CTSC: variants seen among roughly 807,000 people sequenced by gnomAD.
CTSC encodes the protein dipeptidyl peptidase 1.
Under a neutral mutation model 40.9 loss-of-function variants are expected in CTSC, and 37 were observed. That is an observed-to-expected ratio of 0.91 (90% CI 0.70 to 1.19). The LOEUF (loss-of-function observed/expected upper bound fraction) is 1.19. Ranked by LOEUF, CTSC falls within the 50% of genes most tolerant of loss-of-function variation. The pLI, the probability that CTSC is intolerant of heterozygous loss-of-function variation, is 0.00. For synonymous variants in CTSC, 232 were observed against 207.4 expected (o/e 1.12, Z -1.02); for missense variants, 594 against 567.3 (o/e 1.05, Z -0.48).
At chr11:88,326,117 G>A (rs1938176346) in intron 2 of CTSC, 2 of 1,294,712 alleles carry the variant, frequency 1.5e-6, no homozygotes, top group Non-Finnish European at 9.8e-7. Context: ...TTAAAAAACT[G>A]AACGGTGAAG....
Position 88,312,683 on chromosome 11 carries a change from T to C in CTSC, c.319-129A>G, listed in dbSNP as rs1937791702. The stretch of plus-strand genomic sequence containing the variant: ...AAAACTTCACCCTGAGAGGTTACAC[T>C]GTAAGAATTATTCTAGAAAAAGAAG... On this transcript the variant is annotated intron_variant, in intron 2 of 6. Coordinates refer to ENST00000227266, the MANE Select transcript of CTSC (RefSeq NM_001814.6). 4 of 993,304 alleles carry C rather than the reference T, an allele frequency of 4.0e-6. 1 individual carries two copies. In the South Asian group the frequency reaches 4.3e-5, roughly 11 times the overall value. 61.5% of individuals were successfully genotyped at this position (993,304 alleles called of 1,614,324 possible). A position where few individuals can be genotyped will look rare whatever the true frequency, so the allele number is the denominator to read the frequency against.
intron 4 of CTSC, among the ~76,000 whole-genome samples, chr11:88,307,462 T>C (rs1937659530): frequency 6.6e-6 from 1 of 151,916 alleles, no homozygotes; most frequent in Non-Finnish European, 1.5e-5. Context: ...AGTATTATGA[T>C]ATAATTTCCC....
intron 2 of CTSC, chr11:88,323,319 A>C (rs1206887807): frequency 1.3e-5 from 2 of 152,226 alleles, no homozygotes; most frequent in African/African-American, 4.8e-5. Context: ...TATCATACTG[A>C]ATGGGCAAAA....
At chr11:88,310,422 A>G (rs1937727622) in intron 3 of CTSC, among the ~76,000 whole-genome samples, 1 of 152,016 alleles carries the variant, frequency 6.6e-6, no homozygotes, top group Non-Finnish European at 1.5e-5. Context: ...TACTATTAAA[A>G]AAGAGTCTGT....
In CTSC at chr11:88,300,545, G is replaced by A. The variant is rs1189528354; in HGVS notation, c.742C>T (p.Pro248Ser). ...RNVHGINFVS[P>S]VRNQASCGSC... ...ATTTTTTTACCTTGGTTTCGAACAG[G>A]ACTGACAAAATTGATACCATGAACA... is the stretch of plus-strand genomic sequence containing the variant. The change falls in exon 5 of 7, where the codon CCT becomes TCT. Residue 248 changes from proline to serine, a missense_variant. Physicochemically the swap from Pro to Ser is moderately conservative, Grantham distance 74. Transcript: ENST00000227266. 1.9e-6 allele frequency: 3 copies of A among 1,607,128 alleles called. No individual in the cohort carries two copies. Among genetic ancestry groups the A allele is most frequent in the African/African-American group, 1.3e-5 (1 of 74,736 alleles).
intron 4 of CTSC, among the ~76,000 whole-genome samples, chr11:88,307,556 CTTTTTTT>C (rs5793311): frequency 8.2e-5 from 6 of 73,490 alleles, no homozygotes; most frequent in Non-Finnish European, 1.5e-4. Context: ...ATACTGATAA[CTTTTTTT>C]TTTTTTTTTT....
intron 4 of CTSC, among the ~76,000 whole-genome samples, chr11:88,304,221 G>A (rs1270028217): frequency 6.6e-6 from 1 of 151,942 alleles, no homozygotes; most frequent in Non-Finnish European, 1.5e-5. Flanking sequence ...TATTAAAGTG[G>A]GTATAATCAT....
Position 88,316,814 on chromosome 11 carries a change from A to C in CTSC, c.319-4260T>G, listed in dbSNP as rs143107995. The stretch of plus-strand genomic sequence containing the variant: ...AGGTGTGGTGATGCCAATATATCAC[A>C]ATGTCTGACAGTCCAAATCACAGTA... On this transcript the variant is annotated intron_variant, in intron 2 of 6. Coordinates refer to ENST00000227266, the MANE Select transcript of CTSC (RefSeq NM_001814.6). Among the ~76,000 whole-genome samples the C allele has an allele frequency of 5.7e-3, 868 of 152,300 alleles. 10 individuals carry two copies. Among genetic ancestry groups the C allele is most frequent in the African/African-American group, 0.02 (835 of 41,540 alleles).
At chr11:88,308,486 T>C (rs1937684127) in intron 4 of CTSC, among the ~76,000 whole-genome samples, 1 of 151,848 alleles carries the variant, frequency 6.6e-6, no homozygotes, top group South Asian at 2.1e-4. Context: ...TTTTATTTTA[T>C]TTTATTTTAT....
At chr11:88,328,788 C>T (rs1015120825) in intron 2 of CTSC, among the ~76,000 whole-genome samples, 2 of 152,032 alleles carry the variant, frequency 1.3e-5, no homozygotes, top group East Asian at 3.9e-4. Flanking sequence ...CCACCACACC[C>T]GGCTACTTTT....
chr11:88,325,686 C>T, intron 2 of CTSC: 4 of 985,128 alleles, frequency 4.1e-6, no homozygotes, highest in South Asian at 4.7e-5. Flanking sequence ...AAAGCTTGTA[C>T]CTAATGAAAA....
intron 4 of CTSC, among the ~76,000 whole-genome samples, chr11:88,306,758 A>G (rs1937642565): frequency 6.6e-6 from 1 of 152,228 alleles, no homozygotes; most frequent in Non-Finnish European, 1.5e-5. Context: ...GCAAGAACTT[A>G]GGCTGTCACA....
intron 1 of CTSC, among the ~76,000 whole-genome samples, chr11:88,336,948 T>A (rs936271305): frequency 5.3e-5 from 8 of 152,156 alleles, no homozygotes; most frequent in African/African-American, 1.9e-4. Context: ...TTTTAAAAAA[T>A]TTTTACCTCC....
At position 88,294,298 on chromosome 11, in the gene CTSC, T is replaced by C. The variant is rs1308545998; in HGVS notation, c.1100A>G (p.His367Arg). The change falls in exon 7 of 7, where the codon CAT (histidine) becomes CGT (arginine). Residue 367 changes from histidine (H) to arginine (R), a missense_variant. Coordinates refer to ENST00000227266, the MANE Select transcript of CTSC (RefSeq NM_001814.6). ...TTCAAAAGCAACTGCCATGGGCCCA[T>C]GATGGACCAACTCAAGCTTCATCAG... Reference protein sequence around the residue: ...EALMKLELVHHGPMAVAFEVY... With the variant: ...EALMKLELVHRGPMAVAFEVY... 6.2e-7 allele frequency: 1 copy of C among 1,614,000 alleles called. No homozygotes were observed. Among genetic ancestry groups the C allele is most frequent in the Non-Finnish European group, 8.5e-7 (1 of 1,180,042 alleles).
intron 4 of CTSC, among the ~76,000 whole-genome samples, chr11:88,304,956 G>A (rs1323637744): frequency 6.6e-6 from 1 of 152,160 alleles, no homozygotes; most frequent in Non-Finnish European, 1.5e-5. Flanking sequence ...AAATTGGCTG[G>A]GCATGGTGGG....
At chr11:88,302,253 G>C (rs1157909235) in intron 4 of CTSC, among the ~76,000 whole-genome samples, 1 of 152,070 alleles carries the variant, frequency 6.6e-6, no homozygotes, top group African/African-American at 2.4e-5. Context: ...TTCTTTCTGG[G>C]CTACTTCATG....
At position 88,301,095 on chromosome 11, in the gene CTSC, G is replaced by A. The variant is rs558253282; in HGVS notation, c.642-450C>T. ...CTGTAAAAGAAGTGAAGTTGGCAAA[G>A]GGAAAAAAGGGTCTATGTGAGGCAG... is the stretch of plus-strand genomic sequence containing the variant. On this transcript the variant is annotated intron_variant, in intron 4 of 6. Coordinates refer to ENST00000227266, the MANE Select transcript of CTSC (RefSeq NM_001814.6). Among the ~76,000 whole-genome samples, 14 of 152,144 alleles carry A rather than the reference G, an allele frequency of 9.2e-5. No homozygotes were observed. In the South Asian group the frequency reaches 2.1e-3, roughly 23 times the overall value.
chr11:88,326,049 G>A (rs1425081009), intron 2 of CTSC: 6 of 1,104,008 alleles, frequency 5.4e-6, no homozygotes, highest in Non-Finnish European at 6.6e-6. Flanking sequence ...AAAAATCACT[G>A]TAATAGAAGG....
At chr11:88,333,462 T>C (rs2134825126) in intron 2 of CTSC, among the ~76,000 whole-genome samples, 1 of 152,340 alleles carries the variant, frequency 6.6e-6, no homozygotes, top group Non-Finnish European at 1.5e-5. Context: ...ACAAGGTTTA[T>C]GGTACATGGT....
Sources: allele counts gnomAD v4.1 joint callset (sites outside exome capture counted in the v4.1 genomes callset), GRCh38; gene constraint gnomAD v4.1.1; transcripts MANE v1.5; gene names NCBI Gene and HGNC (gene_info 2026-07-23, HGNC 2026-07-21).